Variants in SGCD observed in about 807,000 individuals in gnomAD.
The protein encoded by SGCD is delta-sarcoglycan.
In SGCD, 18 loss-of-function variants were observed where a neutral mutation model predicts 36.6. That is an observed-to-expected ratio of 0.49 (90% CI 0.34 to 0.73). SGCD has a LOEUF of 0.73. Among genes scored for constraint, SGCD ranks in the 30% least tolerant of loss-of-function variants. The probability of loss-of-function intolerance (pLI) is 0.01; values close to 1 mark genes in which losing one functional copy is unlikely to be tolerated. For missense variants in SGCD, 387 were observed against 346.7 expected, an observed-to-expected ratio of 1.12 and a Z score of -0.92; for synonymous variants, 133 against 130.6, an observed-to-expected ratio of 1.02 and a Z score of -0.12.
the SGCD span, among the ~76,000 whole-genome samples, chr5:155,734,071 A>G: frequency 1.5e-4 from 22 of 147,058 alleles, no homozygotes; most frequent in African/African-American, 5.2e-4. Context: ...TTTATTTATT[A>G]TATTATTATT....
At chr5:156,211,090 T>G (rs1561566944) in intron 3 of SGCD, among the ~76,000 whole-genome samples, 3 of 151,856 alleles carry the variant, frequency 2.0e-5, no homozygotes. Context: ...GGAGTTTCAA[T>G]AAGTCTAATA....
At chr5:156,219,602 G>C (rs1764668297) in intron 3 of SGCD, among the ~76,000 whole-genome samples, 1 of 152,176 alleles carries the variant, frequency 6.6e-6, no homozygotes, top group South Asian at 2.1e-4. Flanking sequence ...AATAGATGAA[G>C]CTTCATTGAG....
At chr5:156,669,080 A>C (rs117851908) in intron 7 of SGCD, among the ~76,000 whole-genome samples, 1 of 152,158 alleles carries the variant, frequency 6.6e-6, no homozygotes, top group Non-Finnish European at 1.5e-5. Flanking sequence ...CTAATGGACA[A>C]CTGGTGGTGA....
At chr5:156,537,444 G>A (rs1758162091) in intron 4 of SGCD, among the ~76,000 whole-genome samples, 1 of 136,518 alleles carries the variant, frequency 7.3e-6, no homozygotes. Flanking sequence ...TGGGCTTGAG[G>A]TTAGAAGGTA....
chr5:156,062,522 T>C (rs1388896319), intron 1 of SGCD, among the ~76,000 whole-genome samples: 3 of 118,918 alleles, frequency 2.5e-5, no homozygotes, highest in Non-Finnish European at 5.2e-5. Context: ...ACTTCCACAA[T>C]GGTTGAACTA....
intron 3 of SGCD, among the ~76,000 whole-genome samples, chr5:156,404,021 G>A (rs1279324274): frequency 6.6e-6 from 1 of 151,948 alleles, no homozygotes; most frequent in Admixed American, 6.6e-5. Flanking sequence ...TTTTAGTAGA[G>A]ACAAGGTTTC....
At chr5:156,288,033 A>G (rs532576363) in intron 3 of SGCD, among the ~76,000 whole-genome samples, 4 of 152,316 alleles carry the variant, frequency 2.6e-5, no homozygotes, top group Non-Finnish European at 4.4e-5. Context: ...AAAACATTCT[A>G]TGAGGACTAA....
At chr5:156,255,151 T>C (rs1765684344) in intron 3 of SGCD, among the ~76,000 whole-genome samples, 1 of 152,174 alleles carries the variant, frequency 6.6e-6, no homozygotes, top group South Asian at 2.1e-4. Context: ...AGATATATCA[T>C]TATATATATG....
chr5:156,406,680 G>A lies in SGCD; in HGVS notation c.192+62003G>A, dbSNP rs185455835. On this transcript the variant is annotated intron_variant, in intron 3 of 8. Coordinates refer to ENST00000337851, the MANE Select transcript of SGCD (RefSeq NM_000337.6). ...TCTTTCAGAATGCTCAAAACAGCCC[G>A]ATGAGGTAGACATTATCTCTGTTTT... 1.2e-4 allele frequency among the ~76,000 whole-genome samples: 18 copies of A among 151,214 alleles called. No individual in the cohort carries two copies. The East Asian group carries it at 2.9e-3, about 25-fold the overall frequency.
intron 3 of SGCD, among the ~76,000 whole-genome samples, chr5:156,147,187 C>T (rs1205083789): frequency 6.6e-6 from 1 of 152,078 alleles, no homozygotes; most frequent in Non-Finnish European, 1.5e-5. Context: ...GTACTGTAAC[C>T]TTGCATTTAT....
At chr5:155,892,725 T>A (rs1265501348) in intron 1 of SGCD, among the ~76,000 whole-genome samples, 1 of 152,216 alleles carries the variant, frequency 6.6e-6, no homozygotes, top group African/African-American at 2.4e-5. Flanking sequence ...CATACCTGTC[T>A]TGCAAATTTG....
intron 3 of SGCD, among the ~76,000 whole-genome samples, chr5:156,418,281 A>G (rs939413195): frequency 6.6e-6 from 1 of 152,180 alleles, no homozygotes; most frequent in African/African-American, 2.4e-5. Flanking sequence ...GAGTTAGGAT[A>G]TATTTGGTTG....
At chr5:155,953,506 T>C (rs956086010) in intron 1 of SGCD, among the ~76,000 whole-genome samples, 2 of 152,186 alleles carry the variant, frequency 1.3e-5, no homozygotes, top group Non-Finnish European at 2.9e-5. Context: ...GTTCATTCAA[T>C]CAGTCATCAC....
intron 3 of SGCD, among the ~76,000 whole-genome samples, chr5:156,309,858 T>A (rs192653405): frequency 1.3e-5 from 2 of 152,156 alleles, no homozygotes; most frequent in African/African-American, 2.4e-5. Flanking sequence ...GTCTTTTTTT[T>A]AGTGATATTT....
chr5:156,639,518 C>T (rs777543290), intron 6 of SGCD, among the ~76,000 whole-genome samples: 3 of 152,184 alleles, frequency 2.0e-5, no homozygotes, highest in Non-Finnish European at 1.5e-5. Context: ...GCTAGGCCTT[C>T]GGTATCTGGT....
chr5:156,341,064 T>C (rs567295013), intron 2 of SGCD, among the ~76,000 whole-genome samples: 34 of 152,288 alleles, frequency 2.2e-4, no homozygotes, highest in Admixed American at 2.6e-4. Context: ...ATGGGACTCA[T>C]TAAAGAGGGT....
At chr5:156,161,277 C>A (rs1027706355) in intron 3 of SGCD, among the ~76,000 whole-genome samples, 1 of 151,652 alleles carries the variant, frequency 6.6e-6, no homozygotes, top group African/African-American at 2.4e-5. Context: ...GGATGGAGAA[C>A]AAGAAAAGCT....
intron 2 of SGCD, among the ~76,000 whole-genome samples, chr5:156,122,187 C>A (rs1379630397): frequency 6.6e-6 from 1 of 152,100 alleles, no homozygotes; most frequent in African/African-American, 2.4e-5. Flanking sequence ...GTTTACTTAA[C>A]CTTACTGTCT....
intron 7 of SGCD, among the ~76,000 whole-genome samples, chr5:156,675,575 T>C (rs1393181083): frequency 6.6e-6 from 1 of 152,182 alleles, no homozygotes; most frequent in East Asian, 1.9e-4. Context: ...TTTGCCTTTA[T>C]ATGAAGGCAT....
Sources: allele counts gnomAD v4.1 joint callset (sites outside exome capture counted in the v4.1 genomes callset), GRCh38; gene constraint gnomAD v4.1.1; transcripts MANE v1.5; gene names NCBI Gene and HGNC (gene_info 2026-07-23, HGNC 2026-07-21).